Variants in LGSN observed in about 807,000 individuals in gnomAD.
LGSN encodes lengsin, lens protein with glutamine synthetase domain.
A neutral mutation model predicts 19.5 loss-of-function variants in LGSN; 21 were observed. That is an observed-to-expected ratio of 1.07 (90% CI 0.76 to 1.55). The LOEUF is 1.55. Among genes scored for constraint, LGSN ranks in the 40% most tolerant of loss-of-function variants. The pLI is 0.00. For missense variants in LGSN, 673 were observed against 608.5 expected (o/e 1.11, Z -1.12); for synonymous variants, 257 against 215.6 (o/e 1.19, Z -1.68).
At chr6:63,547,450 A>G in the LGSN span, among the ~76,000 whole-genome samples, 4 of 150,770 alleles carry the variant, frequency 2.7e-5, no homozygotes, top group Non-Finnish European at 5.9e-5. Flanking sequence ...TCGGCCTCCC[A>G]AAGTGCTGGG....
At chr6:63,297,062 C>T (rs1007994392) in intron 1 of LGSN, among the ~76,000 whole-genome samples, 1 of 152,008 alleles carries the variant, frequency 6.6e-6, no homozygotes, top group Non-Finnish European at 1.5e-5. Context: ...CAAAAACTGA[C>T]CAGGCGCGGT....
chr6:63,309,368 G>A (rs1171922921), intron 1 of LGSN, among the ~76,000 whole-genome samples: 3 of 152,144 alleles, frequency 2.0e-5, no homozygotes, highest in African/African-American at 7.2e-5. Flanking sequence ...GGAGGCAGAG[G>A]TTGCAGTGAG....
At chr6:63,530,057 C>T in the LGSN span, among the ~76,000 whole-genome samples, 2 of 151,832 alleles carry the variant, frequency 1.3e-5, no homozygotes, top group Admixed American at 6.6e-5. Flanking sequence ...AACTGTTTCT[C>T]GAGATAGGGC....
chr6:63,536,773 G>A, the LGSN span, among the ~76,000 whole-genome samples: 1 of 151,886 alleles, frequency 6.6e-6, no homozygotes, highest in Non-Finnish European at 1.5e-5. Flanking sequence ...ATTAGAAAAG[G>A]TTTTATTATA....
chr6:63,392,600 C>T, the LGSN span: 2 of 152,206 alleles, frequency 1.3e-5, no homozygotes, highest in African/African-American at 4.8e-5. Flanking sequence ...CAAATTGCCT[C>T]CGGAGGAGTA....
At chr6:63,522,197 T>A in the LGSN span, among the ~76,000 whole-genome samples, 29 of 152,380 alleles carry the variant, frequency 1.9e-4, no homozygotes, top group African/African-American at 7.0e-4. Context: ...GAATGTCATA[T>A]TCCTTTTTCT....
the LGSN span, among the ~76,000 whole-genome samples, chr6:63,356,526 G>A: frequency 2.0e-5 from 3 of 152,000 alleles, no homozygotes; most frequent in Admixed American, 2.0e-4. Flanking sequence ...TGGGCGACAA[G>A]AGCAAAACTC....
chr6:63,412,491 A>AG, the LGSN span, among the ~76,000 whole-genome samples: 247 of 90,856 alleles, frequency 2.7e-3, 1 homozygote, highest in African/African-American at 0.01. Flanking sequence ...GAGAAGAAAG[A>AG]AAGAAAGAAA....
the LGSN span, among the ~76,000 whole-genome samples, chr6:63,351,795 A>G: frequency 6.6e-6 from 1 of 152,130 alleles, no homozygotes; most frequent in Admixed American, 6.6e-5. Flanking sequence ...TAAAACTAAC[A>G]GCAATCTAAT....
At chr6:63,516,143 T>G in the LGSN span, among the ~76,000 whole-genome samples, 1 of 152,206 alleles carries the variant, frequency 6.6e-6, no homozygotes, top group Non-Finnish European at 1.5e-5. Flanking sequence ...TTAATGAAGT[T>G]AAAACCTGTT....
the LGSN span, among the ~76,000 whole-genome samples, chr6:63,335,555 T>C: frequency 4.6e-5 from 7 of 151,962 alleles, no homozygotes; most frequent in Non-Finnish European, 8.8e-5. Context: ...TATGAAAAAA[T>C]GCTCAACATC....
chr6:63,567,549 C>A, the LGSN span, among the ~76,000 whole-genome samples: 1 of 152,148 alleles, frequency 6.6e-6, no homozygotes, highest in Admixed American at 6.5e-5. Flanking sequence ...GTGCTGTCAA[C>A]CAGGTTTTGT....
rs185171920 is a variant in LGSN at position 63,292,481 on chromosome 6, A to G, written c.163+2432T>C. 4.6e-5 allele frequency among the ~76,000 whole-genome samples: 7 copies of G among 152,260 alleles called. No individual in the cohort carries two copies. In the East Asian group the frequency reaches 1.4e-3, roughly 29 times the overall value. On this transcript the variant is annotated intron_variant, in intron 2 of 3. Transcript: ENST00000370657. ...GTGTCTTTGTTTACCAAGGGGTTCT[A>G]GGCCACGCCAGAAACTCTAACAATG...
At chr6:63,361,821 A>G in the LGSN span, among the ~76,000 whole-genome samples, 2 of 152,160 alleles carry the variant, frequency 1.3e-5, no homozygotes, top group Non-Finnish European at 2.9e-5. Flanking sequence ...CTAGATTTTT[A>G]ACTTTGAACA....
At chr6:63,308,534 A>C (rs558737230) in intron 1 of LGSN, among the ~76,000 whole-genome samples, 2 of 152,022 alleles carry the variant, frequency 1.3e-5, no homozygotes, top group Non-Finnish European at 2.9e-5. Flanking sequence ...TATAATAATG[A>C]GTTATTTAGG....
chr6:63,569,310 C>T, the LGSN span, among the ~76,000 whole-genome samples: 291 of 152,330 alleles, frequency 1.9e-3, 2 homozygotes, highest in South Asian at 9.5e-3. Flanking sequence ...GGCTAGAGTG[C>T]AGTGCCATGA....
At chr6:63,444,208 G>C in the LGSN span, among the ~76,000 whole-genome samples, 1 of 151,632 alleles carries the variant, frequency 6.6e-6, no homozygotes, top group Non-Finnish European at 1.5e-5. Context: ...TAAGTAGTAT[G>C]TTATCTCTTT....
At chr6:63,380,247 G>C in the LGSN span, among the ~76,000 whole-genome samples, 1 of 152,170 alleles carries the variant, frequency 6.6e-6, no homozygotes, top group South Asian at 2.1e-4. Flanking sequence ...CTCAAAAAAA[G>C]TTTTCAAAAA....
the LGSN span, among the ~76,000 whole-genome samples, chr6:63,353,206 T>A: frequency 6.6e-6 from 1 of 152,252 alleles, no homozygotes; most frequent in Non-Finnish European, 1.5e-5. Flanking sequence ...CGCTGCTTTT[T>A]AACAGCAGAG....
Sources: gnomAD v4.1 joint callset for allele counts (sites outside exome capture counted in the v4.1 genomes callset) on GRCh38, gnomAD v4.1.1 for gene constraint, MANE v1.5 for transcripts, NCBI Gene and HGNC (gene_info 2026-07-23, HGNC 2026-07-21) for gene names.